Variants in DNAH6 observed in about 807,000 individuals in gnomAD.
The protein encoded by DNAH6 is dynein axonemal heavy chain 6, also known as axonemal beta dynein heavy chain 6.
A neutral mutation model predicts 491.4 loss-of-function variants in DNAH6; 340 were observed. The observed-to-expected ratio is 0.69, with a 90% CI of 0.63 to 0.76. The LOEUF (loss-of-function observed/expected upper bound fraction) is 0.76, where lower values mean the gene tolerates loss of function less well. Ranked by LOEUF, DNAH6 falls within the 30% of genes least tolerant of loss-of-function variation. DNAH6 has a pLI of 0.00. For missense variants in DNAH6, 4,443 were observed against 4,972.2 expected, an observed-to-expected ratio of 0.89 and a Z score of 3.20; for synonymous variants, 1,603 against 1,686.1, an observed-to-expected ratio of 0.95 and a Z score of 1.21.
rs1263400543 is a variant in DNAH6, at chr2:84,637,286, G to A, written c.4730G>A (p.Gly1577Asp). Residue 1577 changes from glycine to aspartate, a missense_variant, in exon 31 of 77, where the codon GGC (glycine) becomes GAC (aspartate). By Grantham distance (94) the Gly-to-Asp change is moderately conservative. Coordinates refer to ENST00000389394, the MANE Select transcript of DNAH6 (RefSeq NM_001370.2). ...TCAAFITMNP[G>D]YAGRTELPDN... ...GCAGCCTTCATCACAATGAATCCTG[G>A]CTATGCAGGGAGAACTGAATTGCCA... is the stretch of plus-strand genomic sequence containing the variant. 5.2e-6 allele frequency: 8 copies of A among 1,551,264 alleles called. No homozygotes were observed. The highest frequency in any genetic ancestry group is 7.0e-6 in the Non-Finnish European group (8 of 1,146,722).
At chr2:84,780,035 G>A (rs982600516) in intron 64 of DNAH6, among the ~76,000 whole-genome samples, 5 of 152,034 alleles carry the variant, frequency 3.3e-5, no homozygotes, top group African/African-American at 1.2e-4. Context: ...CTTTGTAAGG[G>A]ATCTGACCTT....
chr2:84,594,118 T>C lies in DNAH6; in HGVS notation c.2724+33T>C, dbSNP rs144969815. On this transcript the variant is annotated intron_variant, in intron 17 of 76. Coordinates refer to ENST00000389394, the MANE Select transcript of DNAH6 (RefSeq NM_001370.2). ...AAAAAAGCCTTCAGTTCTCAAATTA[T>C]TTTTGTATGAATTAATCTTAAAATT... The C allele has an allele frequency of 3.9e-4, 442 of 1,141,738 alleles. 1 individual carries two copies. The African/African-American group carries it at 6.2e-3, about 16-fold the overall frequency. 70.7% of individuals were successfully genotyped at this position (1,141,738 alleles called of 1,614,324 possible). A position where few individuals can be genotyped will look rare whatever the true frequency, so the allele number is the denominator to read the frequency against.
chr2:84,736,311 T>C (rs1220668468), intron 62 of DNAH6, among the ~76,000 whole-genome samples: 2 of 152,204 alleles, frequency 1.3e-5, no homozygotes, highest in Non-Finnish European at 2.9e-5. Flanking sequence ...TTACTAGGAT[T>C]GCCTTGGCTG....
In DNAH6 at chr2:84,554,366, G is replaced by A. The variant is rs187474133; in HGVS notation, c.1602+1332G>A. On this transcript the variant is annotated intron_variant, in intron 10 of 76. Coordinates refer to ENST00000389394, the MANE Select transcript of DNAH6 (RefSeq NM_001370.2). ...ATACTCAAGAGGAGGGGATTGAACA[G>A]CATATGTACACAGGGGCAGGAATTT... Among the ~76,000 whole-genome samples the A allele has an allele frequency of 1.2e-4, 18 of 152,300 alleles. No homozygotes were observed. In the East Asian group the frequency reaches 3.3e-3, roughly 28 times the overall value.
intron 41 of DNAH6, among the ~76,000 whole-genome samples, chr2:84,680,650 G>T (rs1249242756): frequency 6.6e-6 from 1 of 151,948 alleles, no homozygotes; most frequent in Non-Finnish European, 1.5e-5. Flanking sequence ...GAGGGGTGAA[G>T]TGAGGATGCT....
intron 26 of DNAH6, 48 bp downstream of exon 26, chr2:84,621,599 G>C: frequency 8.0e-7 from 1 of 1,247,538 alleles, no homozygotes; most frequent in African/African-American, 1.5e-5. Flanking sequence ...GATGGTCTTG[G>C]TGGGTTTTTT....
At chr2:84,661,428 G>A (rs1691500765) in intron 37 of DNAH6, among the ~76,000 whole-genome samples, 1 of 152,198 alleles carries the variant, frequency 6.6e-6, no homozygotes, top group South Asian at 2.1e-4. Flanking sequence ...GACTGAATAT[G>A]TAGAAATACC....
intron 63 of DNAH6, among the ~76,000 whole-genome samples, chr2:84,746,212 G>A (rs1451362513): frequency 6.6e-6 from 1 of 152,192 alleles, no homozygotes; most frequent in East Asian, 1.9e-4. Context: ...TTGGGAATCA[G>A]CATTCATTTG....
In DNAH6 at chr2:84,614,939, A is replaced by C. The variant is rs146745600; in HGVS notation, c.3476-1947A>C. On this transcript the variant is annotated intron_variant, in intron 22 of 76. Transcript: ENST00000389394. Reference sequence around the variant, plus strand: ...GCTATTAGTCCTTTGCCAGATGTACAGATTCTGAAGATTTTTTCCCACTCT... The same window carrying C: ...GCTATTAGTCCTTTGCCAGATGTACCGATTCTGAAGATTTTTTCCCACTCT... 3.9e-5 allele frequency among the ~76,000 whole-genome samples: 6 copies of C among 152,192 alleles called. No homozygotes were observed. In the East Asian group the frequency reaches 1.2e-3, roughly 29 times the overall value.
At chr2:84,646,917 G>T (rs192765723) in intron 33 of DNAH6, among the ~76,000 whole-genome samples, 1 of 152,272 alleles carries the variant, frequency 6.6e-6, no homozygotes, top group Admixed American at 6.5e-5. Context: ...ACACAGTCTT[G>T]GCTCACTGCA....
intron 9 of DNAH6, among the ~76,000 whole-genome samples, chr2:84,552,327 T>A (rs544145838): frequency 1.3e-5 from 2 of 152,214 alleles, no homozygotes; most frequent in African/African-American, 4.8e-5. Context: ...ATGGGAACAA[T>A]AATGGAACCT....
At chr2:84,556,624 A>G (rs1396626848) in intron 10 of DNAH6, among the ~76,000 whole-genome samples, 5 of 152,244 alleles carry the variant, frequency 3.3e-5, no homozygotes, top group Non-Finnish European at 7.3e-5. Context: ...GGAAAAGATT[A>G]TTAAAATAAT....
chr2:84,555,482 G>T (rs780084809), intron 10 of DNAH6, among the ~76,000 whole-genome samples: 1 of 151,868 alleles, frequency 6.6e-6, no homozygotes, highest in Non-Finnish European at 1.5e-5. Context: ...TATCCTTAAG[G>T]GCTCTCTCCT....
intron 48 of DNAH6, 107 bp from the exon 49 acceptor site, chr2:84,700,990 G>A (rs760625980): frequency 3.9e-6 from 5 of 1,278,468 alleles, no homozygotes; most frequent in South Asian, 1.5e-5. Context: ...TAGGTGAAGA[G>A]GGGACTGGGC....
chr2:84,688,667 TATAA>T, intron 45 of DNAH6, 74 bp downstream of exon 45: 1 of 1,253,710 alleles, frequency 8.0e-7, no homozygotes, highest in Non-Finnish European at 1.1e-6. Flanking sequence ...AAATAAGTTG[TATAA>T]ACTCTTCAAA....
intron 68 of DNAH6, among the ~76,000 whole-genome samples, chr2:84,792,124 C>T (rs1459540922): frequency 6.6e-6 from 1 of 152,142 alleles, no homozygotes; most frequent in Non-Finnish European, 1.5e-5. Flanking sequence ...ATAAGTTAGT[C>T]ACAGAGGGAC....
Position 84,685,444 on chromosome 2 carries a change from T to C in DNAH6, c.7035T>C (p.Tyr2345=). 3 of 1,498,938 alleles carry C rather than the reference T, an allele frequency of 2.0e-6. No homozygotes were observed. The highest frequency in any genetic ancestry group is 2.7e-6 in the Non-Finnish European group (3 of 1,116,842). The allele number at this position is 1,498,938 out of a possible 1,614,324, so 92.9% of individuals were successfully genotyped here. A position where few individuals can be genotyped will look rare whatever the true frequency, so the allele number is the denominator to read the frequency against. Residue 2345 remains tyrosine, a synonymous_variant, in exon 43 of 77, where the codon TAT becomes TAC. Transcript: ENST00000389394. The part of the protein sequence containing the change: ...DRLINNEDKH[Y]FHVILTEMAN... ...TGATTAATAATGAAGATAAGCACTA[T>C]TTCCATGTTATTCTGACAGAAATGG...
chr2:84,584,472 C>A, intron 15 of DNAH6: 1 of 499,604 alleles, frequency 2.0e-6, no homozygotes. Flanking sequence ...GACTACTCTT[C>A]AAACCATTTA....
chr2:84,801,305 A>G (rs111961418), intron 70 of DNAH6, among the ~76,000 whole-genome samples: 2,093 of 151,990 alleles, frequency 0.014, 42 homozygotes, highest in African/African-American at 0.048. Context: ...ACTGGAAAAC[A>G]TATTTGAGTA....
Sources: allele counts gnomAD v4.1 joint callset (sites outside exome capture counted in the v4.1 genomes callset), GRCh38; gene constraint gnomAD v4.1.1; transcripts MANE v1.5; gene names NCBI Gene and HGNC (gene_info 2026-07-23, HGNC 2026-07-21).